The following UGT8 variants were observed in gnomAD, a reference collection of about 807,000 sequenced individuals.
The protein encoded by UGT8 is UDP glycosyltransferase 8.
In UGT8, 12 loss-of-function variants were observed where a neutral mutation model predicts 40.5. The observed-to-expected ratio is 0.30, with a 90% confidence interval of 0.19 to 0.48. The LOEUF (loss-of-function observed/expected upper bound fraction) is 0.48. Among genes scored for constraint, UGT8 ranks in the 20% least tolerant of loss-of-function variants. The pLI is 0.99. For synonymous variants in UGT8, 224 were observed against 240.4 expected (o/e 0.93, Z 0.63); for missense variants, 513 against 648.7 (o/e 0.79, Z 2.27).
At chr4:114,673,200 A>G (rs1237352626) in intron 5 of UGT8, among the ~76,000 whole-genome samples, 3 of 152,058 alleles carry the variant, frequency 2.0e-5, no homozygotes, top group Admixed American at 6.6e-5. Context: ...TGCAATATTC[A>G]TATTCTTACT....
At chr4:114,668,365 C>A in intron 5 of UGT8, 61 bp downstream of exon 5, 1 of 1,345,394 alleles carries the variant, frequency 7.4e-7, no homozygotes, top group South Asian at 1.3e-5. Context: ...TTGTCAGTAG[C>A]CAATTATTTT....
At chr4:114,635,899 T>C (rs1332689622) in intron 2 of UGT8, among the ~76,000 whole-genome samples, 2 of 152,176 alleles carry the variant, frequency 1.3e-5, no homozygotes, top group African/African-American at 4.8e-5. Flanking sequence ...GAAGAGATAA[T>C]GTAAGAATGA....
upstream of UGT8, chr4:114,598,743 C>T (rs980094804): frequency 5.9e-5 from 9 of 152,006 alleles, no homozygotes; most frequent in South Asian, 4.2e-4. Context: ...GAGCTGCGGA[C>T]GAGCAGGCGC....
intron 5 of UGT8, among the ~76,000 whole-genome samples, chr4:114,673,183 A>G (rs1735409054): frequency 6.6e-6 from 1 of 151,882 alleles, no homozygotes. Context: ...TAATCACACT[A>G]TTTTTTTGCA....
At chr4:114,652,544 G>C (rs1733947883) in intron 2 of UGT8, among the ~76,000 whole-genome samples, 1 of 151,946 alleles carries the variant, frequency 6.6e-6, no homozygotes, top group African/African-American at 2.4e-5. Flanking sequence ...AAAGAAATTG[G>C]TGAGAAAGTA....
rs1007348705 is a variant in UGT8 at position 114,677,872 on chromosome 4, C to T, written c.*1584C>T. On this transcript the variant is annotated 3_prime_UTR_variant, in exon 6 of 6. Transcript: ENST00000310836. ...TACACTATGACAAACAACTTCATTA[C>T]TCTCCCACCAGGAGCTGCTCTCCTG... 6.6e-6 allele frequency: 1 copy of T among 152,204 alleles called. No individual in the cohort carries two copies. Among genetic ancestry groups the T allele is most frequent in the Non-Finnish European group, 1.5e-5 (1 of 68,048 alleles). The allele number at this position is 152,204 out of a possible 1,614,324, so 9.4% of individuals were successfully genotyped here. A position where few individuals can be genotyped will look rare whatever the true frequency, so the allele number is the denominator to read the frequency against.
chr4:114,613,215 C>A (rs937375074), intron 1 of UGT8, among the ~76,000 whole-genome samples: 1 of 152,070 alleles, frequency 6.6e-6, no homozygotes, highest in Admixed American at 6.6e-5. Flanking sequence ...ACTACTTGAA[C>A]TGTGAGCTAA....
intron 2 of UGT8, among the ~76,000 whole-genome samples, chr4:114,650,422 G>T (rs1733832786): frequency 6.6e-6 from 1 of 152,258 alleles, no homozygotes; most frequent in South Asian, 2.1e-4. Flanking sequence ...ACTCCCACAT[G>T]CATAGCATTC....
intron 1 of UGT8, among the ~76,000 whole-genome samples, chr4:114,601,272 C>A (rs1730426046): frequency 6.6e-6 from 1 of 152,138 alleles, no homozygotes; most frequent in African/African-American, 2.4e-5. Flanking sequence ...TAAATTAAAA[C>A]ATTTTATTGC....
At chr4:114,620,105 A>T (rs1337954316) in intron 1 of UGT8, among the ~76,000 whole-genome samples, 1 of 152,096 alleles carries the variant, frequency 6.6e-6, no homozygotes, top group Non-Finnish European at 1.5e-5. Flanking sequence ...AAAATTAAAA[A>T]GGAAGAATTA....
chr4:114,651,048 C>T (rs950058176), intron 2 of UGT8, among the ~76,000 whole-genome samples: 2 of 152,074 alleles, frequency 1.3e-5, no homozygotes, highest in East Asian at 1.9e-4. Flanking sequence ...CTTATCTCTA[C>T]TTTACTTAAC....
At chr4:114,600,917 T>C (rs945377540) in intron 1 of UGT8, among the ~76,000 whole-genome samples, 10 of 152,208 alleles carry the variant, frequency 6.6e-5, no homozygotes, top group African/African-American at 2.4e-4. Flanking sequence ...ACCTACAAGG[T>C]TAAGTTGACA....
Position 114,676,198 on chromosome 4 carries a change from T to C in UGT8, c.1536T>C (p.His512=), listed in dbSNP as rs147354647. 1 of 1,613,984 alleles carries C rather than the reference T, an allele frequency of 6.2e-7. No individual in the cohort carries two copies. Among genetic ancestry groups the C allele is most frequent in the Non-Finnish European group, 8.5e-7 (1 of 1,180,020 alleles). ...AAAGTCTGTGGTCTAGAAATAAGCA[T>C]AGCACAGTTAATGGACATTACCACA... The part of the protein sequence containing the change: ...KIKSLWSRNK[H]STVNGHYHNG... The change falls in exon 6 of 6, where the codon CAT becomes CAC. Residue 512 remains histidine, a synonymous_variant. Coordinates refer to ENST00000310836, the MANE Select transcript of UGT8 (RefSeq NM_001128174.3).
intron 1 of UGT8, among the ~76,000 whole-genome samples, chr4:114,610,072 G>T (rs1393525793): frequency 6.6e-6 from 1 of 152,120 alleles, no homozygotes; most frequent in Admixed American, 6.6e-5. Context: ...TTTGATTCAT[G>T]TATCACAGAA....
chr4:114,644,716 T>C (rs1768557445), intron 2 of UGT8, among the ~76,000 whole-genome samples: 1 of 152,174 alleles, frequency 6.6e-6, no homozygotes. Flanking sequence ...ATCCCTTGCT[T>C]TATGCCTATT....
rs549847612 is a variant in UGT8 at position 114,600,958 on chromosome 4, G to A, written c.-3+1984G>A. On this transcript the variant is annotated intron_variant, in intron 1 of 5. Coordinates refer to ENST00000310836, the MANE Select transcript of UGT8 (RefSeq NM_001128174.3). ...TGTTGTGTGACTTAGTATTATACAA[G>A]TCTTTAAAAACTACAATAAAGCATA... 2.5e-3 allele frequency among the ~76,000 whole-genome samples: 384 copies of A among 152,244 alleles called. 2 individuals carry two copies. The highest frequency in any genetic ancestry group is 3.6e-3 in the Non-Finnish European group (246 of 68,006).
rs1022669247 is a variant in UGT8, at chr4:114,616,152, C to T, written c.-2-6727C>T. 5.3e-5 allele frequency among the ~76,000 whole-genome samples: 8 copies of T among 152,234 alleles called. 1 individual carries two copies. The highest frequency in any genetic ancestry group is 3.3e-4 in the Admixed American group (5 of 15,286). On this transcript the variant is annotated intron_variant, in intron 1 of 5. Transcript: ENST00000310836. ...TGTCAGACAGGGACATTTAAGTCTG[C>T]AGAGGTTTCTGCTGCCTTTTTTGGG...
At chr4:114,612,825 GT>G (rs1354999499) in intron 1 of UGT8, among the ~76,000 whole-genome samples, 1 of 152,100 alleles carries the variant, frequency 6.6e-6, no homozygotes, top group East Asian at 1.9e-4. Context: ...TTTTAATAGT[GT>G]CCCTATAAAA....
At chr4:114,619,333 TA>T (rs1402458593) in intron 1 of UGT8, 3 of 152,116 alleles carry the variant, frequency 2.0e-5, no homozygotes, top group Admixed American at 6.5e-5. Context: ...GTTGGTAATG[TA>T]AAAGGTATAT....
Sources: allele counts gnomAD v4.1 joint callset (sites outside exome capture counted in the v4.1 genomes callset), GRCh38; gene constraint gnomAD v4.1.1; transcripts MANE v1.5; gene names NCBI Gene and HGNC (gene_info 2026-07-23, HGNC 2026-07-21).